ZNF471: variants seen among roughly 807,000 people sequenced by gnomAD.
ZNF471 encodes zinc finger protein 471.
Under a neutral mutation model 13.7 loss-of-function variants are expected in ZNF471, and 7 were observed. The observed-to-expected ratio is 0.51, with a 90% confidence interval of 0.29 to 0.96. The LOEUF (loss-of-function observed/expected upper bound fraction) is 0.96, where lower values mean the gene tolerates loss of function less well. Ranked by LOEUF, ZNF471 falls within the 40% of genes least tolerant of loss-of-function variation. The pLI, the probability that ZNF471 is intolerant of heterozygous loss-of-function variation, is 0.08. For synonymous variants in ZNF471, 218 were observed against 235.6 expected (o/e 0.93, Z 0.68); for missense variants, 663 against 743.3 (o/e 0.89, Z 1.26).
chr19:56,519,657 T>C (rs1246978589), intron 4 of ZNF471, among the ~76,000 whole-genome samples: 1 of 152,212 alleles, frequency 6.6e-6, no homozygotes, highest in Non-Finnish European at 1.5e-5. Flanking sequence ...TCTGTAACAG[T>C]GTTTGATCTT....
In ZNF471 at chr19:56,508,569, A is replaced by G. The variant is rs562201924; in HGVS notation, c.-56+649A>G. On this transcript the variant is annotated intron_variant, in intron 1 of 4. Transcript: ENST00000308031. This position sits in a 1 kb window ranked among gnomAD's most constrained non-coding sequence, Gnocchi z 4.7. The stretch of plus-strand genomic sequence containing the variant: ...CCGGTCGGTCGGTGGGTGAGGCTCA[A>G]TGAGAGGCCGGTGTGTGTTCGAGAG... 6.7e-5 allele frequency among the ~76,000 whole-genome samples: 10 copies of G among 149,900 alleles called. No homozygotes were observed. The East Asian group carries it at 1.6e-3, about 24-fold the overall frequency.
intron 4 of ZNF471, among the ~76,000 whole-genome samples, chr19:56,520,346 G>C (rs963853050): frequency 1.3e-5 from 2 of 152,224 alleles, no homozygotes; most frequent in African/African-American, 4.8e-5. Context: ...ATGGCTCTCT[G>C]TAGGAAATTG....
At position 56,516,209 on chromosome 19, in the gene ZNF471, T is replaced by C. The variant is rs893882058; in HGVS notation, c.34-66T>C. On this transcript the variant is annotated intron_variant, in intron 2 of 4. Coordinates refer to ENST00000308031, the MANE Select transcript of ZNF471 (RefSeq NM_020813.4). This position sits in a 1 kb window ranked among gnomAD's most constrained non-coding sequence, Gnocchi z 4.4. ...TTTCTCACCTAAAGTAGAGACACTT[T>C]GGATCAACTCAGAGTTATCTTTGGA... is the stretch of plus-strand genomic sequence containing the variant. 6 of 1,538,170 alleles carry C rather than the reference T, an allele frequency of 3.9e-6. No homozygotes were observed. Among genetic ancestry groups the C allele is most frequent in the East Asian group, 2.3e-5 (1 of 44,008 alleles).
At chr19:56,521,115 A>T (rs917092841) in intron 4 of ZNF471, among the ~76,000 whole-genome samples, 1 of 152,100 alleles carries the variant, frequency 6.6e-6, no homozygotes, top group African/African-American at 2.4e-5. Flanking sequence ...TATGGGGGAA[A>T]CTGCCCCCAT....
Position 56,510,423 on chromosome 19 carries a change from T to C in ZNF471, c.-55-1094T>C, listed in dbSNP as rs1399889888. 3.0e-6 allele frequency: 3 copies of C among 985,450 alleles called. No homozygotes were observed. Among genetic ancestry groups the C allele is most frequent in the Non-Finnish European group, 3.6e-6 (3 of 829,942 alleles). The allele number at this position is 985,450 out of a possible 1,614,324, so 61.0% of individuals were successfully genotyped here. A position where few individuals can be genotyped will look rare whatever the true frequency, so the allele number is the denominator to read the frequency against. ...TGTTATCCAAAAGGCTTTACAAATATAACCTCTGTGAGGTTGTGAAGCATG... is the reference window on the plus strand; with the variant it reads ...TGTTATCCAAAAGGCTTTACAAATACAACCTCTGTGAGGTTGTGAAGCATG... On this transcript the variant is annotated intron_variant, in intron 1 of 4. Transcript: ENST00000308031. This position sits in a 1 kb window ranked among gnomAD's most constrained non-coding sequence, Gnocchi z 4.3.
rs372936272 is a variant in ZNF471, at chr19:56,510,735, T to G, written c.-55-782T>G. 8 of 985,410 alleles carry G rather than the reference T, an allele frequency of 8.1e-6. No homozygotes were observed. The African/African-American group carries it at 1.4e-4, about 17-fold the overall frequency. The allele number at this position is 985,410 out of a possible 1,614,324, so 61.0% of individuals were successfully genotyped here. ...GAGACTACTTGGAAGATTGATAGGA[T>G]TGGATTCTTTATGAGTGTGGCTGTT... On this transcript the variant is annotated intron_variant, in intron 1 of 4. Transcript: ENST00000308031. This position sits in a 1 kb window ranked among gnomAD's most constrained non-coding sequence, Gnocchi z 4.3.
chr19:56,515,923 C>G (rs1307323343), intron 2 of ZNF471, among the ~76,000 whole-genome samples: 5 of 152,168 alleles, frequency 3.3e-5, no homozygotes, highest in Non-Finnish European at 7.4e-5. Context: ...ATGCCTTTCT[C>G]CAGCCCCTGC....
chr19:56,509,115 C>A (rs555937198), intron 1 of ZNF471, among the ~76,000 whole-genome samples: 2 of 152,066 alleles, frequency 1.3e-5, no homozygotes, highest in South Asian at 4.1e-4. Context: ...AGGTTGATCA[C>A]GGTAAGGGAT....
At chr19:56,512,099 C>G (rs2043820104) in intron 2 of ZNF471, among the ~76,000 whole-genome samples, 1 of 151,646 alleles carries the variant, frequency 6.6e-6, no homozygotes, top group Non-Finnish European at 1.5e-5. Flanking sequence ...AAATCTTATT[C>G]TACTTAATTT....
In ZNF471 at chr19:56,508,250, T is replaced by C; in HGVS notation, c.-56+330T>C. Reference sequence around the variant, plus strand: ...GTTTCTGTGTGTGTGTGTGTGTGTGTGTGACAGACCGAGAGTCCAGTGTGA... The same window carrying C: ...GTTTCTGTGTGTGTGTGTGTGTGTGCGTGACAGACCGAGAGTCCAGTGTGA... On this transcript the variant is annotated intron_variant, in intron 1 of 4. Coordinates refer to ENST00000308031, the MANE Select transcript of ZNF471 (RefSeq NM_020813.4). The surrounding 1 kb of genome is among the most constrained non-coding windows in gnomAD (Gnocchi z 4.7). The C allele has an allele frequency of 1.2e-6, 1 of 853,106 alleles. No individual in the cohort carries two copies. The highest frequency in any genetic ancestry group is 5.3e-5 in the South Asian group (1 of 18,800). 52.8% of individuals were successfully genotyped at this position (853,106 alleles called of 1,614,324 possible).
chr19:56,520,531 G>A (rs961470935), intron 4 of ZNF471, among the ~76,000 whole-genome samples: 7 of 152,202 alleles, frequency 4.6e-5, no homozygotes, highest in African/African-American at 1.7e-4. Flanking sequence ...AAGCATGGGT[G>A]CCCTGGTCTG....
chr19:56,520,421 A>G lies in ZNF471; in HGVS notation c.256+1844A>G, dbSNP rs568008313. 8.5e-5 allele frequency among the ~76,000 whole-genome samples: 13 copies of G among 152,354 alleles called. 1 individual carries two copies. The East Asian group carries it at 2.5e-3, about 29-fold the overall frequency. On this transcript the variant is annotated intron_variant, in intron 4 of 4. Coordinates refer to ENST00000308031, the MANE Select transcript of ZNF471 (RefSeq NM_020813.4). ...TGAGAAAACAGTAGATGATGGACTC[A>G]GCATTCTGTGTCTTTTTCTAGTATT...
intron 3 of ZNF471, among the ~76,000 whole-genome samples, 164 bp from the exon 4 acceptor site, chr19:56,518,318 T>A (rs975991243): frequency 6.6e-6 from 1 of 152,022 alleles, no homozygotes; most frequent in Admixed American, 6.6e-5. Context: ...CTGTTAGCAG[T>A]CTTACTAGGC....
At position 56,525,529 on chromosome 19, in the gene ZNF471, G is replaced by A. The variant is rs1309748274; in HGVS notation, c.1462G>A (p.Glu488Lys). 1.9e-6 allele frequency: 3 copies of A among 1,614,054 alleles called. No individual in the cohort carries two copies. Among genetic ancestry groups the A allele is most frequent in the East Asian group, 2.2e-5 (1 of 44,850 alleles). Residue 488 changes from glutamate to lysine, a missense_variant, in exon 5 of 5, where the codon GAA becomes AAA. By Grantham distance (56) the Glu-to-Lys change is moderately conservative. Coordinates refer to ENST00000308031, the MANE Select transcript of ZNF471 (RefSeq NM_020813.4). ...LRIHTGEKPYECKECGKAFRI... is the reference protein window; with the variant it reads ...LRIHTGEKPYKCKECGKAFRI... ...AATTCATACTGGTGAAAAACCCTAT[G>A]AATGTAAAGAATGTGGAAAAGCTTT...
intron 1 of ZNF471, chr19:56,509,812 AAC>A (rs1201767910): frequency 6.1e-6 from 6 of 983,036 alleles, no homozygotes; most frequent in East Asian, 1.1e-4. Flanking sequence ...GAGTAGGAGA[AAC>A]AGTTTGTTTT....
intron 4 of ZNF471, among the ~76,000 whole-genome samples, chr19:56,520,589 G>T (rs2043956176): frequency 6.6e-6 from 1 of 152,190 alleles, no homozygotes; most frequent in Admixed American, 6.5e-5. Flanking sequence ...CTTCTCTAGA[G>T]TGCTGGTGGT....
At position 56,516,343 on chromosome 19, in the gene ZNF471, T is replaced by C. The variant is rs748070815; in HGVS notation, c.102T>C (p.Ala34=). 6.2e-6 allele frequency: 10 copies of C among 1,613,866 alleles called. No homozygotes were observed. The highest frequency in any genetic ancestry group is 7.6e-6 in the Non-Finnish European group (9 of 1,179,886). Residue 34 remains alanine, a synonymous_variant, in exon 3 of 5, where the codon GCT becomes GCC. Transcript: ENST00000308031. The surrounding 1 kb of genome is among the most constrained non-coding windows in gnomAD (Gnocchi z 4.4). ...AAGAATGGCAATGGATGAACCCTGCTCAGAAGCGTTTATACAGGAGTATGA... is the reference window on the plus strand; with the variant it reads ...AAGAATGGCAATGGATGAACCCTGCCCAGAAGCGTTTATACAGGAGTATGA... The part of the protein sequence containing the change: ...SQEEWQWMNP[A]QKRLYRSMML...
rs2044074475 is a variant in ZNF471 at position 56,528,607 on chromosome 19, TAAGAC to T, written c.*2661_*2665del. On this transcript the variant is annotated 3_prime_UTR_variant, in exon 5 of 5. Transcript: ENST00000308031. ...GTATGCTTAACATTTAATATTATAA[TAAGAC>T]ATCACAGCGGCTGTCTCATGATTAA... 1 of 152,170 alleles carries T rather than the reference TAAGAC, an allele frequency of 6.6e-6. No homozygotes were observed. The highest frequency in any genetic ancestry group is 6.5e-5 in the Admixed American group (1 of 15,272). 9.4% of individuals were successfully genotyped at this position (152,170 alleles called of 1,614,324 possible).
rs2147898581 is a variant in ZNF471 at position 56,508,984 on chromosome 19, G to A, written c.-56+1064G>A. 6.6e-6 allele frequency among the ~76,000 whole-genome samples: 1 copy of A among 152,234 alleles called. No individual in the cohort carries two copies. The highest frequency in any genetic ancestry group is 1.9e-4 in the East Asian group (1 of 5,190). The stretch of plus-strand genomic sequence containing the variant: ...GTTGTTATGAGTTTGTGAGAGAGAG[G>A]GAGGCGATCAAAGTATAGGACAAAG... On this transcript the variant is annotated intron_variant, in intron 1 of 4. Coordinates refer to ENST00000308031, the MANE Select transcript of ZNF471 (RefSeq NM_020813.4). The surrounding 1 kb of genome is among the most constrained non-coding windows in gnomAD (Gnocchi z 4.7).
Sources: gnomAD v4.1 joint callset for allele counts (sites outside exome capture counted in the v4.1 genomes callset) on GRCh38, gnomAD v4.1.1 for gene constraint, Gnocchi (gnomAD v3.1) non-coding constraint, MANE v1.5 for transcripts, NCBI Gene and HGNC (gene_info 2026-07-23, HGNC 2026-07-21) for gene names.